The following ASIC2 variants were observed in gnomAD, a reference collection of about 807,000 sequenced individuals.
ASIC2 encodes the protein acid-sensing ion channel 2.
Under a neutral mutation model 57.3 loss-of-function variants are expected in ASIC2, and 25 were observed. That is an observed-to-expected ratio of 0.44 (90% CI 0.32 to 0.61). The LOEUF (loss-of-function observed/expected upper bound fraction) is 0.61, where lower values mean the gene tolerates loss of function less well. ASIC2 is among the 20% of genes least tolerant of loss of function. ASIC2 has a pLI of 0.06. For synonymous variants in ASIC2, 319 were observed against 307.5 expected, an observed-to-expected ratio of 1.04 and a Z score of -0.39; for missense variants, 641 against 738.1, an observed-to-expected ratio of 0.87 and a Z score of 1.52.
intron 1 of ASIC2, among the ~76,000 whole-genome samples, chr17:33,378,608 A>T (rs1909365376): frequency 6.6e-6 from 1 of 152,258 alleles, no homozygotes; most frequent in Admixed American, 6.5e-5. Flanking sequence ...AAACTGACAA[A>T]ATATGTAGCA....
intron 1 of ASIC2, among the ~76,000 whole-genome samples, chr17:33,408,768 T>C (rs1910554935): frequency 6.6e-6 from 1 of 152,144 alleles, no homozygotes; most frequent in Non-Finnish European, 1.5e-5. Flanking sequence ...CAATCAAGAA[T>C]ACCTTGATGT....
At chr17:33,823,693 C>T (rs887765948) in intron 1 of ASIC2, among the ~76,000 whole-genome samples, 1 of 152,206 alleles carries the variant, frequency 6.6e-6, no homozygotes, top group East Asian at 1.9e-4. Context: ...CAGACCTGGA[C>T]CACCAGTAAT....
chr17:33,379,776 G>C (rs1307827164), intron 1 of ASIC2, among the ~76,000 whole-genome samples: 2 of 152,164 alleles, frequency 1.3e-5, no homozygotes, highest in Non-Finnish European at 2.9e-5. Context: ...TTGGTGGTGA[G>C]GCCAAGGGAC....
At chr17:33,172,955 T>C (rs1003598193) in intron 1 of ASIC2, among the ~76,000 whole-genome samples, 1 of 147,838 alleles carries the variant, frequency 6.8e-6, no homozygotes, top group Non-Finnish European at 1.5e-5. Context: ...TCCTGGCTGC[T>C]CCTGTGCCTG....
intron 1 of ASIC2, among the ~76,000 whole-genome samples, chr17:33,741,015 C>T (rs1490921): frequency 0.13 from 19,859 of 152,144 alleles, 2,013 homozygotes; most frequent in East Asian, 0.59. Flanking sequence ...GTATACCTAG[C>T]CAGCCCTGTG....
In ASIC2 at chr17:33,327,109, A is replaced by T. The variant is rs534500625; in HGVS notation, c.556-215042T>A. Among the ~76,000 whole-genome samples the T allele has an allele frequency of 1.5e-3, 225 of 152,222 alleles. 1 individual carries two copies. Among genetic ancestry groups the T allele is most frequent in the African/African-American group, 5.2e-3 (218 of 41,540 alleles). On this transcript the variant is annotated intron_variant, in intron 1 of 9. Coordinates refer to the ASIC2 transcript ENST00000359872. ...AACAGGGAGCCTTCTCTTCAACCAA[A>T]AAAGCCAACCCATCATCTTCCTTGT...
chr17:33,488,177 G>A (rs1913635173), intron 1 of ASIC2, among the ~76,000 whole-genome samples: 1 of 152,280 alleles, frequency 6.6e-6, no homozygotes, highest in African/African-American at 2.4e-5. Flanking sequence ...CAAGTGAGAG[G>A]CAGAGGCAGT....
At chr17:33,209,417 C>A (rs886593638) in intron 1 of ASIC2, among the ~76,000 whole-genome samples, 4 of 152,166 alleles carry the variant, frequency 2.6e-5, no homozygotes, top group Non-Finnish European at 4.4e-5. Flanking sequence ...AGCCTCTAGA[C>A]CATGGTTTTT....
rs1347926516 is a variant in ASIC2 at position 33,793,421 on chromosome 17, C to A, written c.555+362557G>T. ...TAACTGGGGATCTGCTGTGGGCCAA[C>A]CTCTGTACTTACTAAGTGCTGTGTG... On this transcript the variant is annotated intron_variant, in intron 1 of 9. Transcript: ENST00000359872. The A allele has an allele frequency of 2.0e-5, 3 of 152,238 alleles. No individual in the cohort carries two copies. The East Asian group carries it at 5.8e-4, about 29-fold the overall frequency. The allele number at this position is 152,238 out of a possible 1,614,324, so 9.4% of individuals were successfully genotyped here. A position where few individuals can be genotyped will look rare whatever the true frequency, so the allele number is the denominator to read the frequency against.
chr17:33,140,814 A>T (rs2092384732), intron 1 of ASIC2, among the ~76,000 whole-genome samples: 1 of 152,254 alleles, frequency 6.6e-6, no homozygotes, highest in Non-Finnish European at 1.5e-5. Flanking sequence ...ATGCATTATT[A>T]AAAGCATGCT....
intron 1 of ASIC2, among the ~76,000 whole-genome samples, chr17:33,113,123 C>T (rs1436788374): frequency 3.3e-5 from 5 of 152,102 alleles, no homozygotes; most frequent in East Asian, 3.9e-4. Flanking sequence ...AAAGAGGCCC[C>T]GTGATGGTGT....
chr17:33,564,035 C>T (rs1022964147), intron 1 of ASIC2, among the ~76,000 whole-genome samples: 6 of 152,168 alleles, frequency 3.9e-5, no homozygotes, highest in Non-Finnish European at 7.3e-5. Flanking sequence ...ACCAGGAGCT[C>T]CCTGCAGGAA....
At chr17:33,485,624 C>T (rs971169059) in intron 1 of ASIC2, among the ~76,000 whole-genome samples, 4 of 152,208 alleles carry the variant, frequency 2.6e-5, no homozygotes, top group Admixed American at 6.5e-5. Flanking sequence ...CCCCTATCAC[C>T]TCCCCTAAAC....
chr17:33,542,083 C>A (rs1915429870), intron 1 of ASIC2, among the ~76,000 whole-genome samples: 1 of 152,196 alleles, frequency 6.6e-6, no homozygotes. Context: ...TACTTGACTC[C>A]TTTGGTTGTG....
At chr17:33,044,309 T>A (rs899484603) in intron 3 of ASIC2, among the ~76,000 whole-genome samples, 5 of 148,704 alleles carry the variant, frequency 3.4e-5, no homozygotes, top group Admixed American at 6.7e-5. Context: ...CATCCAACCA[T>A]CCATCCATCC....
At chr17:33,273,990 T>TA (rs1396121598) in intron 1 of ASIC2, among the ~76,000 whole-genome samples, 2 of 152,198 alleles carry the variant, frequency 1.3e-5, no homozygotes, top group Admixed American at 1.3e-4. Context: ...GGGTGGTACT[T>TA]ACGTCCATTT....
At chr17:33,590,553 C>T (rs1904792742) in intron 1 of ASIC2, among the ~76,000 whole-genome samples, 1 of 151,810 alleles carries the variant, frequency 6.6e-6, no homozygotes, top group African/African-American at 2.4e-5. Context: ...AATCTCTACA[C>T]CACACCCCAA....
chr17:33,431,547 G>A lies in ASIC2; in HGVS notation c.556-319480C>T, dbSNP rs186235780. Among the ~76,000 whole-genome samples the A allele has an allele frequency of 2.4e-4, 36 of 152,308 alleles. No individual in the cohort carries two copies. The East Asian group carries it at 6.2e-3, about 26-fold the overall frequency. Reference sequence around the variant, plus strand: ...TTGAACCTGGGAGGCGGAGGTCGCCGTGAGCTGAGATCGTAGCACTGTACT... The same window carrying A: ...TTGAACCTGGGAGGCGGAGGTCGCCATGAGCTGAGATCGTAGCACTGTACT... On this transcript the variant is annotated intron_variant, in intron 1 of 9. Transcript: ENST00000359872.
intron 1 of ASIC2, among the ~76,000 whole-genome samples, chr17:34,060,833 C>G (rs1481867735): frequency 6.6e-6 from 1 of 151,818 alleles, no homozygotes; most frequent in East Asian, 1.9e-4. Flanking sequence ...ACAAAGCTTC[C>G]AAAAATTCTG....
Sources: gnomAD v4.1 joint callset for allele counts (sites outside exome capture counted in the v4.1 genomes callset) on GRCh38, gnomAD v4.1.1 for gene constraint, MANE v1.5 for transcripts, NCBI Gene and HGNC (gene_info 2026-07-23, HGNC 2026-07-21) for gene names.